The following FOXP1 variants were observed in gnomAD, a reference collection of about 807,000 sequenced individuals.
FOXP1 encodes forkhead box protein P1.
In FOXP1, 15 loss-of-function variants were observed where a neutral mutation model predicts 98.2. The observed-to-expected ratio is 0.15, with a 90% CI of 0.10 to 0.24. The LOEUF (loss-of-function observed/expected upper bound fraction) is 0.24, where lower values mean the gene tolerates loss of function less well. FOXP1 is among the 10% of genes least tolerant of loss of function. The pLI is 1.00. For missense variants in FOXP1, 633 were observed against 848.5 expected (o/e 0.75, Z 3.15); for synonymous variants, 371 against 314.5 (o/e 1.18, Z -1.90).
intron 2 of FOXP1, among the ~76,000 whole-genome samples, chr3:71,539,413 G>C (rs139207588): frequency 1.3e-5 from 2 of 150,772 alleles, no homozygotes; most frequent in South Asian, 2.1e-4. Flanking sequence ...GAGCCGCCGC[G>C]CTCGGTCATC....
chr3:71,249,031 A>G (rs1282324043), intron 5 of FOXP1, among the ~76,000 whole-genome samples: 3 of 152,390 alleles, frequency 2.0e-5, no homozygotes, highest in Admixed American at 6.5e-5. Context: ...CCTTTTGTGT[A>G]GAATTTCTGC....
chr3:71,427,705 T>C (rs1040116113), intron 3 of FOXP1, among the ~76,000 whole-genome samples: 3 of 152,050 alleles, frequency 2.0e-5, no homozygotes, highest in African/African-American at 7.3e-5. Flanking sequence ...TGGACGGAAG[T>C]CACAGGATTC....
At chr3:71,226,710 G>C (rs868543030) in intron 5 of FOXP1, among the ~76,000 whole-genome samples, 2 of 151,568 alleles carry the variant, frequency 1.3e-5, no homozygotes, top group Admixed American at 6.6e-5. Context: ...CTTTCTCTCT[G>C]CTTGTCATTT....
intron 2 of FOXP1, among the ~76,000 whole-genome samples, chr3:71,565,451 G>GT (rs2046837512): frequency 6.6e-6 from 1 of 152,154 alleles, no homozygotes; most frequent in African/African-American, 2.4e-5. Flanking sequence ...CAGTGATGGG[G>GT]GGGGAGCTAA....
intron 3 of FOXP1, among the ~76,000 whole-genome samples, chr3:71,466,851 A>G (rs566388600): frequency 2.0e-5 from 3 of 152,264 alleles, no homozygotes; most frequent in Non-Finnish European, 4.4e-5. Flanking sequence ...AGCTCTAAAC[A>G]CAGACACATG....
chr3:71,416,699 G>C (rs2108303711), intron 3 of FOXP1, among the ~76,000 whole-genome samples: 1 of 152,168 alleles, frequency 6.6e-6, no homozygotes, highest in East Asian at 1.9e-4. Context: ...TGGGTGAAGA[G>C]TGAAGAGGAG....
chr3:71,216,578 T>C (rs2064949258), intron 5 of FOXP1, among the ~76,000 whole-genome samples: 1 of 152,128 alleles, frequency 6.6e-6, no homozygotes, highest in Non-Finnish European at 1.5e-5. Context: ...TTGATTTTTC[T>C]GAGTTGATGT....
chr3:71,447,031 C>A (rs1216090697), intron 3 of FOXP1, among the ~76,000 whole-genome samples: 1 of 152,240 alleles, frequency 6.6e-6, no homozygotes, highest in African/African-American at 2.4e-5. Context: ...TTTGACAAGC[C>A]CCATCTAAAT....
At chr3:71,118,664 T>C (rs2107798454) in intron 6 of FOXP1, among the ~76,000 whole-genome samples, 1 of 152,324 alleles carries the variant, frequency 6.6e-6, no homozygotes, top group South Asian at 2.1e-4. Flanking sequence ...GTGGACCAAA[T>C]TCGGTCTATC....
intron 5 of FOXP1, among the ~76,000 whole-genome samples, chr3:71,226,065 AG>A (rs1260052670): frequency 6.6e-6 from 1 of 152,244 alleles, no homozygotes; most frequent in African/African-American, 2.4e-5. Flanking sequence ...ACAGGGGCAG[AG>A]AAAAAACTTC....
chr3:71,322,164 T>A (rs1015992946), intron 4 of FOXP1, among the ~76,000 whole-genome samples: 1 of 152,240 alleles, frequency 6.6e-6, no homozygotes. Flanking sequence ...GGGAACACCA[T>A]TCTGTACTAT....
rs886058826 is a variant in FOXP1 at position 70,955,830 on chromosome 3, G to GCACACACACA, written c.*3416_*3417insTGTGTGTGTG. On this transcript the variant is annotated 3_prime_UTR_variant, in exon 21 of 21. Coordinates refer to ENST00000649528, the MANE Select transcript of FOXP1 (RefSeq NM_001349338.3). ...AAAACAGATTAACACACACGCACGC[G>GCACACACACA]CGCACACACACACACACACACACAC... The GCACACACACA allele has an allele frequency of 3.1e-3, 645 of 205,662 alleles. 1 individual carries two copies. In the East Asian group the frequency reaches 0.042, roughly 13 times the overall value. The allele number at this position is 205,662 out of a possible 1,614,324, so 12.7% of individuals were successfully genotyped here. A position where few individuals can be genotyped will look rare whatever the true frequency, so the allele number is the denominator to read the frequency against.
chr3:71,103,094 G>A (rs567616812), intron 7 of FOXP1, among the ~76,000 whole-genome samples: 2 of 152,156 alleles, frequency 1.3e-5, no homozygotes, highest in South Asian at 2.1e-4. Context: ...CCTGACTTAG[G>A]GTAAACTGTT....
intron 4 of FOXP1, among the ~76,000 whole-genome samples, chr3:71,338,352 G>A (rs1324127912): frequency 2.6e-5 from 4 of 152,130 alleles, no homozygotes; most frequent in Non-Finnish European, 5.9e-5. Context: ...TATGAGGGAC[G>A]GATTTGAATA....
chr3:71,120,044 T>C (rs766283442), intron 6 of FOXP1, among the ~76,000 whole-genome samples: 24 of 152,190 alleles, frequency 1.6e-4, no homozygotes, highest in Non-Finnish European at 2.8e-4. Context: ...AAATATTAGA[T>C]ACACAAGAGA....
intron 3 of FOXP1, among the ~76,000 whole-genome samples, chr3:71,420,533 A>G (rs563256778): frequency 6.6e-6 from 1 of 152,322 alleles, no homozygotes; most frequent in Admixed American, 6.5e-5. Context: ...GCATACACAT[A>G]AACACATACA....
At chr3:71,059,520 T>TA (rs1197141045) in intron 7 of FOXP1, among the ~76,000 whole-genome samples, 1 of 152,196 alleles carries the variant, frequency 6.6e-6, no homozygotes, top group African/African-American at 2.4e-5. Context: ...TAGCAATTGT[T>TA]AAATACAGGA....
intron 4 of FOXP1, among the ~76,000 whole-genome samples, chr3:71,354,945 A>T (rs1413715330): frequency 6.6e-6 from 1 of 152,206 alleles, no homozygotes; most frequent in African/African-American, 2.4e-5. Context: ...TTGAGCTTGG[A>T]TCCCAATGTC....
chr3:70,974,971 A>G (rs1190846757), intron 17 of FOXP1, among the ~76,000 whole-genome samples: 1 of 152,246 alleles, frequency 6.6e-6, no homozygotes, highest in Non-Finnish European at 1.5e-5. Context: ...GAGTTTTCAA[A>G]AAAAAGATGT....
Sources: gnomAD v4.1 joint callset for allele counts (sites outside exome capture counted in the v4.1 genomes callset) on GRCh38, gnomAD v4.1.1 for gene constraint, MANE v1.5 for transcripts, NCBI Gene and HGNC (gene_info 2026-07-23, HGNC 2026-07-21) for gene names.